Variants in ESRP2 observed in about 807,000 individuals in gnomAD.
ESRP2 encodes epithelial splicing regulatory protein 2, also known as RNA binding motif protein 35A.
A neutral mutation model predicts 78.6 loss-of-function variants in ESRP2; 48 were observed. The observed-to-expected ratio is 0.61, with a 90% CI of 0.48 to 0.78. ESRP2 has a LOEUF of 0.78. Among genes scored for constraint, ESRP2 ranks in the 30% least tolerant of loss-of-function variants. The probability of loss-of-function intolerance (pLI) is 0.00; values close to 1 mark genes in which losing one functional copy is unlikely to be tolerated. For synonymous variants in ESRP2, 383 were observed against 406.7 expected, an observed-to-expected ratio of 0.94 and a Z score of 0.70; for missense variants, 863 against 965.9, an observed-to-expected ratio of 0.89 and a Z score of 1.41.
rs371955724 is a variant in ESRP2 at position 68,233,584 on chromosome 16, T to C, written c.557-159A>G. The C allele has an allele frequency of 1.3e-3, 967 of 731,460 alleles. 11 individuals are homozygous for C. The African/African-American group carries it at 0.014, about 11-fold the overall frequency. The allele number at this position is 731,460 out of a possible 1,614,324, so 45.3% of individuals were successfully genotyped here. A position where few individuals can be genotyped will look rare whatever the true frequency, so the allele number is the denominator to read the frequency against. ...CACATACAGATTCCCAGTCCAGACA[T>C]AGACAGACACATACCCACATTCCAA... On this transcript the variant is annotated intron_variant, in intron 4 of 14. Transcript: ENST00000473183.
At chr16:68,234,317 C>A in intron 2 of ESRP2, 1 of 572,692 alleles carries the variant, frequency 1.7e-6, no homozygotes, top group Non-Finnish European at 3.1e-6. Flanking sequence ...CTGTCACCTC[C>A]TCCAGGCCAA....
Position 68,230,333 on chromosome 16 carries a change from ATTT to A in ESRP2, c.2065-21_2065-19del, listed in dbSNP as rs750931685. 1.2e-6 allele frequency: 2 copies of A among 1,614,192 alleles called. No homozygotes were observed. The highest frequency in any genetic ancestry group is 2.7e-5 in the African/African-American group (2 of 75,062). ...GCGGGTAGCTACAGAAGGGACACAG[ATTT>A]AGGGCAGAGAGCTCAGCCAGACCCG... On this transcript the variant is annotated intron_variant, in intron 14 of 14. Transcript: ENST00000473183.
chr16:68,231,420 C>T lies in ESRP2; in HGVS notation c.1513-44G>A, dbSNP rs772334791. The T allele has an allele frequency of 1.9e-6, 3 of 1,613,188 alleles. No individual in the cohort carries two copies. The East Asian group carries it at 6.7e-5, about 36-fold the overall frequency. On this transcript the variant is annotated intron_variant, in intron 11 of 14. Transcript: ENST00000473183. This position sits in a 1 kb window ranked among gnomAD's most constrained non-coding sequence, Gnocchi z 6.0. ...GAGCAGTTTGTCATGTGTAAGAGTG[C>T]CTTACCCCTAACACACACCCCTTCC...
At chr16:68,230,748 G>A (rs1056167650) in intron 13 of ESRP2, 93 bp downstream of exon 13, 4 of 1,541,840 alleles carry the variant, frequency 2.6e-6, no homozygotes, top group African/African-American at 2.7e-5. Flanking sequence ...GTCATCTCAA[G>A]GGAGGAGTTA....
Position 68,232,188 on chromosome 16 carries a change from G to C in ESRP2, c.997+58C>G. The stretch of plus-strand genomic sequence containing the variant: ...GGGGAGCAGGCAGGCAAGGGGTGGT[G>C]GGGAAGTGAAATGGATCAAGAACCA... On this transcript the variant is annotated intron_variant, in intron 9 of 14. Transcript: ENST00000473183. The surrounding 1 kb of genome is among the most constrained non-coding windows in gnomAD (Gnocchi z 5.2). The C allele has an allele frequency of 6.2e-7, 1 of 1,613,650 alleles. No homozygotes were observed. The highest frequency in any genetic ancestry group is 2.2e-5 in the East Asian group (1 of 44,870).
rs768824720 is a variant in ESRP2 at position 68,233,399 on chromosome 16, C to T, written c.583G>A (p.Glu195Lys). The change falls in exon 5 of 15, where the codon GAG becomes AAG. Residue 195 changes from glutamate to lysine, a missense_variant. Coordinates refer to ENST00000473183, the MANE Select transcript of ESRP2 (RefSeq NM_024939.3). Reference protein sequence around the residue: ...QGLGLETDATEDDFGVWEVKT... With the variant: ...QGLGLETDATKDDFGVWEVKT... ...ACTTCCCAGACCCCAAAGTCATCCTCTGTGGCATCTGTCTCCAGTCCTAAA... is the reference window on the plus strand; with the variant it reads ...ACTTCCCAGACCCCAAAGTCATCCTTTGTGGCATCTGTCTCCAGTCCTAAA... 3 of 1,614,070 alleles carry T rather than the reference C, an allele frequency of 1.9e-6. No homozygotes were observed. The South Asian group carries it at 3.3e-5, about 18-fold the overall frequency.
At position 68,235,209 on chromosome 16, in the gene ESRP2, C is replaced by T. The variant is rs940693334; in HGVS notation, c.327+425G>A. The T allele has an allele frequency of 8.1e-6, 8 of 985,306 alleles. No individual in the cohort carries two copies. The Middle Eastern group carries it at 1.5e-3, about 191-fold the overall frequency. 61.0% of individuals were successfully genotyped at this position (985,306 alleles called of 1,614,324 possible). On this transcript the variant is annotated intron_variant, in intron 2 of 14. Transcript: ENST00000473183. The surrounding 1 kb of genome is among the most constrained non-coding windows in gnomAD (Gnocchi z 5.5). The stretch of plus-strand genomic sequence containing the variant: ...TAGGGCCGACACCGCCCTACGCCTC[C>T]GCTCCAGCAGCTCCCAAGCAGGCCG...
Position 68,231,545 on chromosome 16 carries a change from G to C in ESRP2, c.1449C>G (p.Ser483Arg). Reference protein sequence around the residue: ...PYTATIEDILSFLGEAAADIR... With the variant: ...PYTATIEDILRFLGEAAADIR... ...TGTCAGCTGCTGCCTCCCCCAGAAAGCTCAGGATGTCTTCAATGGTGGCCG... is the reference window on the plus strand; with the variant it reads ...TGTCAGCTGCTGCCTCCCCCAGAAACCTCAGGATGTCTTCAATGGTGGCCG... Residue 483 changes from serine to arginine, a missense_variant, in exon 11 of 15, where the codon AGC becomes AGG. Transcript: ENST00000473183. The surrounding 1 kb of genome is among the most constrained non-coding windows in gnomAD (Gnocchi z 6.0). The C allele has an allele frequency of 6.2e-7, 1 of 1,614,156 alleles. No individual in the cohort carries two copies. The highest frequency in any genetic ancestry group is 8.5e-7 in the Non-Finnish European group (1 of 1,180,022).
Position 68,233,809 on chromosome 16 carries a change from G to C in ESRP2, c.515C>G (p.Thr172Ser). The stretch of plus-strand genomic sequence containing the variant: ...CACAGTGAGGTCCCTGGCAGGGCAG[G>C]TGCTTGGATGCTGCATATGGAATTC... ...RREFHMQHPS[T>S]CPARDLTVAT... The change falls in exon 4 of 15, where the codon ACC (threonine) becomes AGC (serine). Residue 172 changes from threonine (T) to serine (S), a missense_variant. Coordinates refer to ENST00000473183, the MANE Select transcript of ESRP2 (RefSeq NM_024939.3). 2.5e-6 allele frequency: 4 copies of C among 1,614,100 alleles called. No individual in the cohort carries two copies. The highest frequency in any genetic ancestry group is 3.4e-6 in the Non-Finnish European group (4 of 1,180,002).
Position 68,231,894 on chromosome 16 carries a change from C to T in ESRP2, c.1207G>A (p.Glu403Lys), listed in dbSNP as rs1447077824. Residue 403 changes from glutamate to lysine, a missense_variant, in exon 10 of 15, where the codon GAG (glutamate) becomes AAG (lysine). By Grantham distance (56) the Glu-to-Lys change is moderately conservative (BLOSUM62 1). Coordinates refer to ENST00000473183, the MANE Select transcript of ESRP2 (RefSeq NM_024939.3). The surrounding 1 kb of genome is among the most constrained non-coding windows in gnomAD (Gnocchi z 6.0). ...CTGCGCAGTGCAGCCTGTGCCAGCT[C>T]CTCACAAGCAAAGAGGGCGAAGGCA... is the stretch of plus-strand genomic sequence containing the variant. ...GDAFALFACE[E>K]LAQAALRRHK... is the part of the protein sequence containing the mutation. 1 of 1,613,878 alleles carries T rather than the reference C, an allele frequency of 6.2e-7. No homozygotes were observed. The highest frequency in any genetic ancestry group is 8.5e-7 in the Non-Finnish European group (1 of 1,180,002).
Position 68,232,850 on chromosome 16 carries a change from G to A in ESRP2, c.656-35C>T, listed in dbSNP as rs780003831. 1.9e-5 allele frequency: 31 copies of A among 1,613,868 alleles called. No homozygotes were observed. In the East Asian group the frequency reaches 6.5e-4, roughly 34 times the overall value. On this transcript the variant is annotated intron_variant, in intron 5 of 14. Coordinates refer to ENST00000473183, the MANE Select transcript of ESRP2 (RefSeq NM_024939.3). This position sits in a 1 kb window ranked among gnomAD's most constrained non-coding sequence, Gnocchi z 5.2. ...GATGGCCTGGGGGTCAGCAGGGTCTGGTGGAGAGGGGTGTCCCCACCAAGT... is the reference window on the plus strand; with the variant it reads ...GATGGCCTGGGGGTCAGCAGGGTCTAGTGGAGAGGGGTGTCCCCACCAAGT...
At position 68,230,459 on chromosome 16, in the gene ESRP2, A is replaced by T. The variant is rs373594090; in HGVS notation, c.1994T>A (p.Leu665Ter). Residue 665 changes from leucine (L) to a stop codon, truncating the protein, a stop_gained, in exon 14 of 15, where the codon TTG (leucine) becomes TAG (stop). Coordinates refer to ENST00000473183, the MANE Select transcript of ESRP2 (RefSeq NM_024939.3). LOFTEE classifies it high-confidence loss of function. ...PTSVLSQSGALVRMQGVPYTA... is the reference protein window; with the variant it reads ...PTSVLSQSGA ...GTATGGGACACCCTGCATGCGGACC[A>T]AGGCTCCTGACTGGGACAACACTGA... 1.2e-6 allele frequency: 2 copies of T among 1,612,790 alleles called. No homozygotes were observed. The highest frequency in any genetic ancestry group is 2.7e-5 in the African/African-American group (2 of 74,920).
Position 68,232,775 on chromosome 16 carries a change from G to GTATTTCTGCTTTA in ESRP2, c.683_695dup (p.Glu233LysfsTer13), listed in dbSNP as rs1256850960. ...CCCACACTCACCAAGGCCCCGTCTC[G>GTATTTCTGCTTTA]TATTTCTGCTTTATCACCTCGGGCT... On this transcript the variant is annotated frameshift_variant, in exon 6 of 15. Coordinates refer to ENST00000473183, the MANE Select transcript of ESRP2 (RefSeq NM_024939.3). LOFTEE classifies it high-confidence loss of function. The surrounding 1 kb of genome is among the most constrained non-coding windows in gnomAD (Gnocchi z 5.2). The GTATTTCTGCTTTA allele has an allele frequency of 2.5e-6, 4 of 1,614,112 alleles. No homozygotes were observed. In the Admixed American group the frequency reaches 6.7e-5, roughly 27 times the overall value.
At position 68,232,372 on chromosome 16, in the gene ESRP2, TCAATATAG is replaced by T. The variant is rs1480583100; in HGVS notation, c.945_952del (p.Tyr316GlyfsTer3). The T allele has an allele frequency of 1.2e-6, 2 of 1,613,826 alleles. No homozygotes were observed. On this transcript the variant is annotated frameshift_variant and splice_region_variant, in exon 8 of 15. Coordinates refer to ENST00000473183, the MANE Select transcript of ESRP2 (RefSeq NM_024939.3). LOFTEE classifies it high-confidence loss of function. The surrounding 1 kb of genome is among the most constrained non-coding windows in gnomAD (Gnocchi z 5.2). ...TCCGCTCCCAGCCCAAAGCCCCACC[TCAATATAG>T]CGGACGCCCATGTGGTGCTTGTGTC...
At chr16:68,233,298 C>A in intron 5 of ESRP2, 29 bp downstream of exon 5, 1 of 1,501,022 alleles carries the variant, frequency 6.7e-7, no homozygotes, top group Non-Finnish European at 9.3e-7. Flanking sequence ...TCCCTGAGAA[C>A]AGGTGACAGG....
rs760018503 is a variant in ESRP2, at chr16:68,233,383, A to G, written c.599T>C (p.Val200Ala). 4 of 1,614,000 alleles carry G rather than the reference A, an allele frequency of 2.5e-6. No individual in the cohort carries two copies. The highest frequency in any genetic ancestry group is 3.4e-6 in the Non-Finnish European group (4 of 1,179,996). The change falls in exon 5 of 15, where the codon GTC (valine) becomes GCC (alanine). Residue 200 changes from valine to alanine, a missense_variant. Coordinates refer to ENST00000473183, the MANE Select transcript of ESRP2 (RefSeq NM_024939.3). ...ETDATEDDFG[V>A]WEVKTMVAVI... ...AGCTACCATTGTCTTGACTTCCCAGACCCCAAAGTCATCCTCTGTGGCATC... is the reference window on the plus strand; with the variant it reads ...AGCTACCATTGTCTTGACTTCCCAGGCCCCAAAGTCATCCTCTGTGGCATC...
chr16:68,231,087 G>A lies in ESRP2; in HGVS notation c.1712-60C>T, dbSNP rs564952164. 5.6e-6 allele frequency: 9 copies of A among 1,597,926 alleles called. No homozygotes were observed. In the African/African-American group the frequency reaches 9.4e-5, roughly 17 times the overall value. Reference sequence around the variant, plus strand: ...GCCCAGCACTGCCCTGGGTGGGGTAGCCAGAAAGGAGTCCCCGCTATAGAA... The same window carrying A: ...GCCCAGCACTGCCCTGGGTGGGGTAACCAGAAAGGAGTCCCCGCTATAGAA... On this transcript the variant is annotated intron_variant, in intron 12 of 14. Transcript: ENST00000473183. The surrounding 1 kb of genome is among the most constrained non-coding windows in gnomAD (Gnocchi z 6.0).
Position 68,231,441 on chromosome 16 carries a change from C to T in ESRP2, c.1512+41G>A, listed in dbSNP as rs757099532. The stretch of plus-strand genomic sequence containing the variant: ...AGTGCCTTACCCCTAACACACACCC[C>T]TTCCTATTTATGTGTTCCCCCTACC... On this transcript the variant is annotated intron_variant, in intron 11 of 14. Coordinates refer to ENST00000473183, the MANE Select transcript of ESRP2 (RefSeq NM_024939.3). The surrounding 1 kb of genome is among the most constrained non-coding windows in gnomAD (Gnocchi z 6.0). 6.2e-7 allele frequency: 1 copy of T among 1,613,600 alleles called. No individual in the cohort carries two copies. The highest frequency in any genetic ancestry group is 8.5e-7 in the Non-Finnish European group (1 of 1,179,624).
At position 68,231,003 on chromosome 16, in the gene ESRP2, G is replaced by C. The variant is rs145134851; in HGVS notation, c.1736C>G (p.Thr579Ser). ...LPCLSPPTYT[T>S]FQATPTLIPT... ...AATGAGCGTTGGGGTGGCTTGGAAG[G>C]TGGTGTAGGTAGGTGGTGAGAGGCC... Residue 579 changes from threonine (T) to serine (S), a missense_variant, in exon 13 of 15, where the codon ACC (threonine) becomes AGC (serine). Thr to Ser is a moderately conservative substitution (Grantham distance 58). Coordinates refer to ENST00000473183, the MANE Select transcript of ESRP2 (RefSeq NM_024939.3). This position sits in a 1 kb window ranked among gnomAD's most constrained non-coding sequence, Gnocchi z 6.0. 147 of 1,596,816 alleles carry C rather than the reference G, an allele frequency of 9.2e-5. No homozygotes were observed. The highest frequency in any genetic ancestry group is 5.1e-4 in the Middle Eastern group (3 of 5,938).
Sources: allele counts gnomAD v4.1 joint callset, GRCh38; gene constraint gnomAD v4.1.1; non-coding constraint Gnocchi (gnomAD v3.1); transcripts MANE v1.5; gene names NCBI Gene and HGNC (gene_info 2026-07-23, HGNC 2026-07-21).